The following FSHR variants were observed in gnomAD, a reference collection of about 807,000 sequenced individuals.
The protein encoded by FSHR is follicle stimulating hormone receptor, also known as follicle-stimulating hormone receptor.
FSHR carries 46 observed loss-of-function variants against 52.1 expected under a neutral mutation model. That is an observed-to-expected ratio of 0.88 (90% confidence interval 0.70 to 1.13). The LOEUF (loss-of-function observed/expected upper bound fraction) is 1.13, where lower values mean the gene tolerates loss of function less well. Ranked by LOEUF, FSHR falls within the 50% of genes most tolerant of loss-of-function variation. FSHR has a pLI of 0.00. For synonymous variants in FSHR, 399 were observed against 309.6 expected (o/e 1.29, Z -3.03); for missense variants, 964 against 834.6 (o/e 1.16, Z -1.91).
chr2:49,067,316 C>G (rs1028396981), intron 2 of FSHR, among the ~76,000 whole-genome samples: 1 of 152,024 alleles, frequency 6.6e-6, no homozygotes, highest in Non-Finnish European at 1.5e-5. Context: ...TCCTTTCTTG[C>G]TTCTTCAGAC....
intron 3 of FSHR, among the ~76,000 whole-genome samples, chr2:49,018,988 C>G (rs1352227567): frequency 1.3e-5 from 2 of 152,210 alleles, no homozygotes; most frequent in African/African-American, 4.8e-5. Flanking sequence ...TGGATTTGGA[C>G]AGATGACCTT....
At chr2:48,998,911 T>A (rs995086734) in intron 4 of FSHR, among the ~76,000 whole-genome samples, 1 of 152,104 alleles carries the variant, frequency 6.6e-6, no homozygotes, top group African/African-American at 2.4e-5. Context: ...CATCTTGATT[T>A]CATTCTTTAA....
At chr2:49,094,023 A>T (rs929894241) in intron 1 of FSHR, among the ~76,000 whole-genome samples, 1 of 152,154 alleles carries the variant, frequency 6.6e-6, no homozygotes, top group Non-Finnish European at 1.5e-5. Context: ...ATTTAGGTCT[A>T]TCGCTTTCTA....
chr2:49,054,719 A>T (rs1022421312), intron 2 of FSHR, among the ~76,000 whole-genome samples: 1 of 152,242 alleles, frequency 6.6e-6, no homozygotes, highest in Non-Finnish European at 1.5e-5. Context: ...AAGCCACAGC[A>T]CAACAACTGC....
chr2:49,048,945 C>T (rs1303889315), intron 2 of FSHR, among the ~76,000 whole-genome samples: 1 of 152,072 alleles, frequency 6.6e-6, no homozygotes, highest in Non-Finnish European at 1.5e-5. Context: ...TTAAGTCATA[C>T]ACAGCCCAGA....
In FSHR at chr2:49,127,325, C is replaced by T. The variant is rs1672038311; in HGVS notation, c.152+26941G>A. On this transcript the variant is annotated intron_variant, in intron 1 of 9. Transcript: ENST00000406846. ...CCTGGACAACAGAGCAAGACTTTGT[C>T]TAAGAAAAAAAAAAAAAGAAAAACA... 2.6e-5 allele frequency among the ~76,000 whole-genome samples: 3 copies of T among 113,512 alleles called. No individual in the cohort carries two copies. The South Asian group carries it at 9.1e-4, about 34-fold the overall frequency. The allele number at this position is 113,512 out of a possible 152,430, so 74.5% of individuals were successfully genotyped here. A position where few individuals can be genotyped will look rare whatever the true frequency, so the allele number is the denominator to read the frequency against.
At chr2:48,982,515 T>TGGTTTAAATCTACAG (rs1443021046) in intron 8 of FSHR, among the ~76,000 whole-genome samples, 2 of 152,124 alleles carry the variant, frequency 1.3e-5, no homozygotes, top group Non-Finnish European at 2.9e-5. Flanking sequence ...ATGAGTTAGA[T>TGGTTTAAATCTACAG]CAGTTTAAAT....
chr2:49,009,743 G>A (rs1214084848), intron 4 of FSHR, among the ~76,000 whole-genome samples: 42 of 145,800 alleles, frequency 2.9e-4, no homozygotes, highest in African/African-American at 6.2e-4. Context: ...GGTCCTTCAC[G>A]TCCCTTGTAA....
At chr2:49,121,240 A>G (rs1214983214) in intron 1 of FSHR, among the ~76,000 whole-genome samples, 2 of 152,252 alleles carry the variant, frequency 1.3e-5, no homozygotes, top group African/African-American at 4.8e-5. Flanking sequence ...ACTTTGGATC[A>G]GAATCTATTT....
intron 4 of FSHR, chr2:49,014,950 G>T: frequency 8.6e-6 from 4 of 467,820 alleles, no homozygotes; most frequent in Non-Finnish European, 1.3e-5. Context: ...AGAAGGATCT[G>T]GAAGGGAGAG....
intron 1 of FSHR, among the ~76,000 whole-genome samples, chr2:49,085,145 C>A (rs1268113040): frequency 6.6e-6 from 1 of 151,726 alleles, no homozygotes; most frequent in African/African-American, 2.4e-5. Flanking sequence ...AGCTTATCCA[C>A]CATGATCAAG....
intron 2 of FSHR, among the ~76,000 whole-genome samples, chr2:49,064,754 T>A (rs11692782): frequency 0.4 from 61,041 of 151,890 alleles, 12,760 homozygotes; most frequent in East Asian, 0.54. Context: ...TTGGCTTTAA[T>A]GAATAACCAA....
At chr2:48,976,036 G>C (rs564363974) in intron 8 of FSHR, among the ~76,000 whole-genome samples, 3 of 152,304 alleles carry the variant, frequency 2.0e-5, no homozygotes, top group African/African-American at 7.2e-5. Flanking sequence ...AATAGGAGTG[G>C]TGAGAGAGGG....
intron 4 of FSHR, among the ~76,000 whole-genome samples, chr2:49,013,950 G>A (rs1344244180): frequency 6.6e-6 from 1 of 152,064 alleles, no homozygotes; most frequent in African/African-American, 2.4e-5. Context: ...TTCTCTCTGT[G>A]TATATGCACC....
intron 1 of FSHR, among the ~76,000 whole-genome samples, chr2:49,077,158 C>G (rs1202826019): frequency 6.6e-6 from 1 of 152,240 alleles, no homozygotes; most frequent in East Asian, 1.9e-4. Flanking sequence ...ACAAGGGCCT[C>G]TCCCCTGCAG....
In FSHR at chr2:49,087,070, GTTTTT is replaced by G. The variant is rs56890721; in HGVS notation, c.153-18785_153-18781del. ...GTAGTTGAGGGACCCTGTGGGCAGG[GTTTTT>G]TTTTTTTTTTTTTTTTTTTTTTTAC... On this transcript the variant is annotated intron_variant, in intron 1 of 9. Transcript: ENST00000406846. 2.7e-3 allele frequency among the ~76,000 whole-genome samples: 232 copies of G among 86,726 alleles called. 6 individuals are homozygous for G. The highest frequency in any genetic ancestry group is 9.2e-3 in the African/African-American group (215 of 23,376). The allele number at this position is 86,726 out of a possible 152,430, so 56.9% of individuals were successfully genotyped here.
chr2:49,003,091 T>C (rs1181711031), intron 4 of FSHR, among the ~76,000 whole-genome samples: 1 of 152,184 alleles, frequency 6.6e-6, no homozygotes, highest in Non-Finnish European at 1.5e-5. Flanking sequence ...TGGATTGTTT[T>C]CTGTGGGTGA....
chr2:49,012,161 T>C (rs1412416975), intron 4 of FSHR, among the ~76,000 whole-genome samples: 1 of 152,104 alleles, frequency 6.6e-6, no homozygotes, highest in Non-Finnish European at 1.5e-5. Context: ...TTATGGTTTA[T>C]TGAGCAGCAA....
At position 48,983,163 on chromosome 2, in the gene FSHR, C is replaced by G; in HGVS notation, c.528G>C (p.Trp176Cys). ...VGLSFESVIL[W>C]LNKNGIQEIH... ...TTTCTTGAATCCCATTCTTATTCAG[C>G]CATCTGAAATAAAAGGCCTATTAAA... The change falls in exon 7 of 10, where the codon TGG becomes TGC. Residue 176 changes from tryptophan (W) to cysteine (C), a missense_variant. Physicochemically the swap from Trp to Cys is radical, Grantham distance 215. Coordinates refer to ENST00000406846, the MANE Select transcript of FSHR (RefSeq NM_000145.4). 1 of 1,613,866 alleles carries G rather than the reference C, an allele frequency of 6.2e-7. No homozygotes were observed. The highest frequency in any genetic ancestry group is 1.1e-5 in the South Asian group (1 of 91,062).
Sources: allele counts gnomAD v4.1 joint callset (sites outside exome capture counted in the v4.1 genomes callset), GRCh38; gene constraint gnomAD v4.1.1; transcripts MANE v1.5; gene names NCBI Gene and HGNC (gene_info 2026-07-23, HGNC 2026-07-21).